Variants in LRMDA observed in about 807,000 individuals in gnomAD.
LRMDA encodes the protein leucine-rich melanocyte differentiation-associated protein.
LRMDA carries 18 observed loss-of-function variants against 29.8 expected under a neutral mutation model. The observed-to-expected ratio is 0.60, with a 90% CI of 0.42 to 0.90. The LOEUF is 0.90. Ranked by LOEUF, LRMDA falls within the 40% of genes least tolerant of loss-of-function variation. The pLI is 0.00. For synonymous variants in LRMDA, 125 were observed against 109.4 expected, an observed-to-expected ratio of 1.14 and a Z score of -0.89; for missense variants, 273 against 273.9, an observed-to-expected ratio of 1.00 and a Z score of 0.02.
chr10:76,300,987 C>T (rs1840473282), intron 5 of LRMDA, among the ~76,000 whole-genome samples: 1 of 152,144 alleles, frequency 6.6e-6, no homozygotes, highest in Admixed American at 6.5e-5. Context: ...GTTCTTTGCT[C>T]ATAGTGGCAA....
chr10:75,586,319 T>TTTC (rs1339108534), intron 2 of LRMDA, among the ~76,000 whole-genome samples: 1 of 151,536 alleles, frequency 6.6e-6, no homozygotes, highest in East Asian at 1.9e-4. Flanking sequence ...AAGGGTTCCA[T>TTTC]TTCTTCACAT....
At chr10:76,113,803 C>T (rs1368057633) in intron 5 of LRMDA, among the ~76,000 whole-genome samples, 2 of 152,156 alleles carry the variant, frequency 1.3e-5, no homozygotes, top group Non-Finnish European at 2.9e-5. Flanking sequence ...GCTGTCTGCT[C>T]GCCATGGCAA....
At chr10:75,513,210 T>C (rs1845246950) in intron 2 of LRMDA, among the ~76,000 whole-genome samples, 1 of 152,232 alleles carries the variant, frequency 6.6e-6, no homozygotes, top group Non-Finnish European at 1.5e-5. Context: ...CCCACTCCGG[T>C]GTAACAAACT....
At chr10:75,902,546 T>G (rs946333362) in intron 2 of LRMDA, among the ~76,000 whole-genome samples, 3 of 152,164 alleles carry the variant, frequency 2.0e-5, no homozygotes, top group Non-Finnish European at 4.4e-5. Context: ...ATTCTTTCTG[T>G]TTTTGTTTGT....
chr10:76,173,177 A>C (rs529735344), intron 5 of LRMDA, among the ~76,000 whole-genome samples: 16 of 152,348 alleles, frequency 1.1e-4, no homozygotes, highest in Non-Finnish European at 1.6e-4. Context: ...GCAGAAGAAA[A>C]GATTAGTGAA....
intron 2 of LRMDA, 38 bp downstream of exon 2, chr10:75,438,532 G>C: frequency 2.0e-6 from 3 of 1,479,128 alleles, no homozygotes; most frequent in African/African-American, 1.4e-5. Flanking sequence ...AGGCCTGGGA[G>C]GCCCAGTCCT....
rs145829397 is a variant in LRMDA, at chr10:75,929,436, C to T, written c.132-106572C>T. Among the ~76,000 whole-genome samples, 609 of 152,230 alleles carry T rather than the reference C, an allele frequency of 4.0e-3. 5 individuals carry two copies. The highest frequency in any genetic ancestry group is 0.014 in the African/African-American group (585 of 41,530). ...TTGGCCAACTGTTGTCTCATTTATG[C>T]CAGCCATCACCTTGGTGGGTTAACC... On this transcript the variant is annotated intron_variant, in intron 2 of 6. Transcript: ENST00000611255.
chr10:75,757,404 C>G (rs1252114200), intron 2 of LRMDA, among the ~76,000 whole-genome samples: 1 of 152,124 alleles, frequency 6.6e-6, no homozygotes, highest in Non-Finnish European at 1.5e-5. Flanking sequence ...CAGGTCACAC[C>G]TGCTGCAGGG....
chr10:75,504,224 G>A (rs4746303), intron 2 of LRMDA, among the ~76,000 whole-genome samples: 5,833 of 152,110 alleles, frequency 0.038, 357 homozygotes, highest in African/African-American at 0.13. Context: ...CAACTCCTGG[G>A]CGTAAGCAAT....
At chr10:75,859,960 A>G (rs1219323932) in intron 2 of LRMDA, among the ~76,000 whole-genome samples, 3 of 152,162 alleles carry the variant, frequency 2.0e-5, no homozygotes, top group African/African-American at 7.2e-5. Flanking sequence ...TTTTTCCCCA[A>G]ATGGATACAT....
intron 4 of LRMDA, among the ~76,000 whole-genome samples, chr10:76,055,008 G>A (rs569175331): frequency 6.6e-4 from 84 of 126,764 alleles, no homozygotes; most frequent in Admixed American, 2.5e-3. Context: ...AGGTTGCAGT[G>A]AGCAGAGATC....
At chr10:75,513,414 T>A (rs1845250933) in intron 2 of LRMDA, among the ~76,000 whole-genome samples, 1 of 152,196 alleles carries the variant, frequency 6.6e-6, no homozygotes, top group African/African-American at 2.4e-5. Context: ...TCAGTGTGCC[T>A]CTCTGTGTTT....
intron 2 of LRMDA, among the ~76,000 whole-genome samples, chr10:75,461,865 A>G (rs1191036730): frequency 1.3e-5 from 2 of 152,234 alleles, no homozygotes; most frequent in Admixed American, 1.3e-4. Context: ...CGAAGGGGGC[A>G]TTGGCCAGAG....
intron 6 of LRMDA, among the ~76,000 whole-genome samples, chr10:76,339,207 C>G (rs1434309827): frequency 6.7e-6 from 1 of 150,284 alleles, no homozygotes; most frequent in Non-Finnish European, 1.5e-5. Context: ...TTCAAATTAA[C>G]TGACCATAAC....
At chr10:76,005,042 T>C (rs1024431540) in intron 2 of LRMDA, among the ~76,000 whole-genome samples, 1 of 152,142 alleles carries the variant, frequency 6.6e-6, no homozygotes, top group Non-Finnish European at 1.5e-5. Flanking sequence ...ATTTTTACTT[T>C]ATTAGTGTCT....
At chr10:75,715,225 T>C (rs1336230670) in intron 2 of LRMDA, among the ~76,000 whole-genome samples, 1 of 152,200 alleles carries the variant, frequency 6.6e-6, no homozygotes, top group Non-Finnish European at 1.5e-5. Context: ...CCTCCAAATC[T>C]CTTGGACTTT....
At chr10:76,388,068 T>A (rs1359344239) in intron 6 of LRMDA, among the ~76,000 whole-genome samples, 2 of 152,216 alleles carry the variant, frequency 1.3e-5, no homozygotes, top group African/African-American at 4.8e-5. Context: ...ATGAGTCTGG[T>A]ACCATGCTAG....
intron 2 of LRMDA, among the ~76,000 whole-genome samples, chr10:75,715,645 T>G (rs567517933): frequency 1.3e-5 from 2 of 152,344 alleles, no homozygotes; most frequent in African/African-American, 4.8e-5. Flanking sequence ...TCTTAAATTT[T>G]TGGGCATTTA....
At chr10:75,866,899 G>T (rs1252051933) in intron 2 of LRMDA, among the ~76,000 whole-genome samples, 1 of 152,190 alleles carries the variant, frequency 6.6e-6, no homozygotes, top group Non-Finnish European at 1.5e-5. Flanking sequence ...AATTTGAGGG[G>T]AGGATGAAAA....
Sources: gnomAD v4.1 joint callset for allele counts (sites outside exome capture counted in the v4.1 genomes callset) on GRCh38, gnomAD v4.1.1 for gene constraint, MANE v1.5 for transcripts, NCBI Gene and HGNC (gene_info 2026-07-23, HGNC 2026-07-21) for gene names.